The following OR10H5 variants were observed in gnomAD, a reference collection of about 807,000 sequenced individuals.
The protein encoded by OR10H5 is olfactory receptor 10H5.
Under a neutral mutation model 12.2 loss-of-function variants are expected in OR10H5, and 7 were observed. The observed-to-expected ratio is 0.57, with a 90% CI of 0.33 to 1.07. The LOEUF (loss-of-function observed/expected upper bound fraction) is 1.07. OR10H5 is among the 50% of genes least tolerant of loss of function. The probability of loss-of-function intolerance (pLI) is 0.04; values close to 1 mark genes in which losing one functional copy is unlikely to be tolerated. For missense variants in OR10H5, 346 were observed against 411.6 expected, an observed-to-expected ratio of 0.84 and a Z score of 1.38; for synonymous variants, 159 against 175.1, an observed-to-expected ratio of 0.91 and a Z score of 0.73.
rs1399739189 is a variant in OR10H5 at position 15,797,675 on chromosome 19, T to C, written c.*2679T>C. Reference sequence around the variant, plus strand: ...GTCAGGGTGAGGTGAGGGAGACACCTCACCTCCTTTAAACATTATTTAAAA... The same window carrying C: ...GTCAGGGTGAGGTGAGGGAGACACCCCACCTCCTTTAAACATTATTTAAAA... On this transcript the variant is annotated 3_prime_UTR_variant, in exon 2 of 2. Transcript: ENST00000642092. 6.6e-6 allele frequency: 1 copy of C among 152,154 alleles called. No homozygotes were observed. The highest frequency in any genetic ancestry group is 1.5e-5 in the Non-Finnish European group (1 of 68,022). The allele number at this position is 152,154 out of a possible 1,614,324, so 9.4% of individuals were successfully genotyped here. A position where few individuals can be genotyped will look rare whatever the true frequency, so the allele number is the denominator to read the frequency against.
Position 15,794,231 on chromosome 19 carries a change from C to T in OR10H5, c.183C>T (p.Leu61=). 1 of 1,614,228 alleles carries T rather than the reference C, an allele frequency of 6.2e-7. No homozygotes were observed. The highest frequency in any genetic ancestry group is 1.7e-5 in the Admixed American group (1 of 60,028). ...GCAGCCTCCACATGCCCATGTACCT[C>T]TTCCTGTGTGCCCTCTCCATCACCG... ...SERSLHMPMY[L]FLCALSITEI... The change falls in exon 2 of 2, where the codon CTC becomes CTT. Residue 61 remains leucine, a synonymous_variant. Coordinates refer to ENST00000642092, the MANE Select transcript of OR10H5 (RefSeq NM_001004466.2).
rs2088833050 is a variant in OR10H5 at position 15,795,078 on chromosome 19, C to T, written c.*82C>T. 8.8e-7 allele frequency: 1 copy of T among 1,138,852 alleles called. No individual in the cohort carries two copies. Among genetic ancestry groups the T allele is most frequent in the Non-Finnish European group, 1.2e-6 (1 of 803,380 alleles). The allele number at this position is 1,138,852 out of a possible 1,614,324, so 70.5% of individuals were successfully genotyped here. ...TTTATTTCTTTTCCTTTCCTCCCTC[C>T]CTCCTTTCCTCCCTCCCTCCCTTCC... On this transcript the variant is annotated 3_prime_UTR_variant, in exon 2 of 2. Transcript: ENST00000642092.
chr19:15,794,024 T>G lies in OR10H5; in HGVS notation c.-11-14T>G, dbSNP rs1267619721. On this transcript the variant is annotated splice_polypyrimidine_tract_variant and intron_variant, in intron 1 of 1. Coordinates refer to ENST00000642092, the MANE Select transcript of OR10H5 (RefSeq NM_001004466.2). Reference sequence around the variant, plus strand: ...CCTAACCACTGGGTCTTCTTTCCTCTCTCCACCAACTAGGGGTGGCCGCCA... The same window carrying G: ...CCTAACCACTGGGTCTTCTTTCCTCGCTCCACCAACTAGGGGTGGCCGCCA... 6.3e-7 allele frequency: 1 copy of G among 1,591,492 alleles called. No individual in the cohort carries two copies. The highest frequency in any genetic ancestry group is 1.3e-5 in the African/African-American group (1 of 74,678).
rs62106068 is a variant in OR10H5 at position 15,795,497 on chromosome 19, T to G, written c.*501T>G. On this transcript the variant is annotated 3_prime_UTR_variant, in exon 2 of 2. Transcript: ENST00000642092. Reference sequence around the variant, plus strand: ...CACACCACCATGCCTGGCTAATTTTTGTATTTGTAGTAGAGACGGGGTTTC... The same window carrying G: ...CACACCACCATGCCTGGCTAATTTTGGTATTTGTAGTAGAGACGGGGTTTC... The G allele has an allele frequency of 0.084, 13,367 of 159,888 alleles. 634 individuals carry two copies. Among genetic ancestry groups the G allele is most frequent in the Middle Eastern group, 0.11 (35 of 308 alleles). The allele number at this position is 159,888 out of a possible 1,614,324, so 9.9% of individuals were successfully genotyped here.
At position 15,795,138 on chromosome 19, in the gene OR10H5, C is replaced by T. The variant is rs2144930174; in HGVS notation, c.*142C>T. The T allele has an allele frequency of 1.4e-6, 1 of 716,010 alleles. No homozygotes were observed. Among genetic ancestry groups the T allele is most frequent in the Non-Finnish European group, 2.2e-6 (1 of 450,980 alleles). The allele number at this position is 716,010 out of a possible 1,614,324, so 44.4% of individuals were successfully genotyped here. On this transcript the variant is annotated 3_prime_UTR_variant, in exon 2 of 2. Coordinates refer to ENST00000642092, the MANE Select transcript of OR10H5 (RefSeq NM_001004466.2). Reference sequence around the variant, plus strand: ...TCCTTCCTCCCTCCCTCCTTTCCTCCCTCCTTCTCTGACCTACAGTCCACC... The same window carrying T: ...TCCTTCCTCCCTCCCTCCTTTCCTCTCTCCTTCTCTGACCTACAGTCCACC...
intron 1 of OR10H5, among the ~76,000 whole-genome samples, chr19:15,788,133 C>T (rs1451977989): frequency 6.6e-6 from 1 of 152,158 alleles, no homozygotes; most frequent in African/African-American, 2.4e-5. Flanking sequence ...CTCCTGCCTT[C>T]ACTGTGTGTG....
Position 15,799,355 on chromosome 19 carries a change from T to G in OR10H5, c.*4359T>G, listed in dbSNP as rs148166049. The G allele has an allele frequency of 3.6e-4, 55 of 152,246 alleles. No individual in the cohort carries two copies. The highest frequency in any genetic ancestry group is 1.3e-3 in the African/African-American group (53 of 41,542). The allele number at this position is 152,246 out of a possible 1,614,324, so 9.4% of individuals were successfully genotyped here. ...TTGCTGGTTTGCATTATTGGGGGTA[T>G]TAGAAGACACTGGCTTTTGGCAAGA... On this transcript the variant is annotated 3_prime_UTR_variant, in exon 2 of 2. Transcript: ENST00000642092.
At chr19:15,789,047 G>A (rs1019600956) in intron 1 of OR10H5, among the ~76,000 whole-genome samples, 2 of 151,926 alleles carry the variant, frequency 1.3e-5, no homozygotes, top group Admixed American at 6.6e-5. Context: ...TACCCCAACA[G>A]GCCCCAGTGT....
At position 15,798,036 on chromosome 19, in the gene OR10H5, A is replaced by G. The variant is rs958221730; in HGVS notation, c.*3040A>G. ...CTCCAGCCTGGGCGACAAGAGTGAC[A>G]CTCCATCTAAAAAAAAAAAAAAAAA... On this transcript the variant is annotated 3_prime_UTR_variant, in exon 2 of 2. Transcript: ENST00000642092. 4 of 116,290 alleles carry G rather than the reference A, an allele frequency of 3.4e-5. No individual in the cohort carries two copies. Among genetic ancestry groups the G allele is most frequent in the African/African-American group, 1.4e-4 (4 of 29,510 alleles). The allele number at this position is 116,290 out of a possible 1,614,324, so 7.2% of individuals were successfully genotyped here. A position where few individuals can be genotyped will look rare whatever the true frequency, so the allele number is the denominator to read the frequency against.
chr19:15,788,609 C>T (rs2088795173), intron 1 of OR10H5, among the ~76,000 whole-genome samples: 1 of 152,134 alleles, frequency 6.6e-6, no homozygotes, highest in African/African-American at 2.4e-5. Context: ...ACTGATCCTC[C>T]CACTTGGCCT....
In OR10H5 at chr19:15,797,349, AC is replaced by A. The variant is rs1309925292; in HGVS notation, c.*2355del. ...TCTAGCTGATCATGATTCTGAAGAT[AC>A]CTTGGAATAGGCTGGGAAACAGGTA... On this transcript the variant is annotated 3_prime_UTR_variant, in exon 2 of 2. Coordinates refer to ENST00000642092, the MANE Select transcript of OR10H5 (RefSeq NM_001004466.2). 6.6e-6 allele frequency: 1 copy of A among 152,134 alleles called. No individual in the cohort carries two copies. Among genetic ancestry groups the A allele is most frequent in the African/African-American group, 2.4e-5 (1 of 41,402 alleles). The allele number at this position is 152,134 out of a possible 1,614,324, so 9.4% of individuals were successfully genotyped here. A position where few individuals can be genotyped will look rare whatever the true frequency, so the allele number is the denominator to read the frequency against.
Position 15,799,681 on chromosome 19 carries a change from T to C in OR10H5, c.*4685T>C, listed in dbSNP as rs1319959229. On this transcript the variant is annotated 3_prime_UTR_variant, in exon 2 of 2. Transcript: ENST00000642092. ...AGTATGACAAATAGAGGTTACTATA[T>C]GTTCATTGAATGTCTTTTTTTTTTT... 7.1e-6 allele frequency: 1 copy of C among 141,118 alleles called. No individual in the cohort carries two copies. The highest frequency in any genetic ancestry group is 1.5e-5 in the Non-Finnish European group (1 of 65,584). The allele number at this position is 141,118 out of a possible 1,614,324, so 8.7% of individuals were successfully genotyped here.
intron 1 of OR10H5, chr19:15,793,810 C>T: frequency 2.1e-6 from 1 of 470,238 alleles, no homozygotes; most frequent in Non-Finnish European, 3.8e-6. Flanking sequence ...ACCCAGGAGG[C>T]AGAGGTTGCA....
chr19:15,787,996 C>A (rs1359349692), intron 1 of OR10H5, among the ~76,000 whole-genome samples: 3 of 152,118 alleles, frequency 2.0e-5, no homozygotes, highest in African/African-American at 7.2e-5. Context: ...TCGTGGCCAC[C>A]AGGGTCCATG....
At chr19:15,788,832 G>A (rs2088796219) in intron 1 of OR10H5, among the ~76,000 whole-genome samples, 1 of 152,080 alleles carries the variant, frequency 6.6e-6, no homozygotes, top group Non-Finnish European at 1.5e-5. Context: ...AATGACATCT[G>A]TAAAAGACTC....
At chr19:15,793,952 G>T in intron 1 of OR10H5, 86 bp from the exon 2 acceptor site, 2 of 1,112,226 alleles carry the variant, frequency 1.8e-6, no homozygotes, top group East Asian at 2.4e-5. Flanking sequence ...TGAAGAAGGC[G>T]CTCTCAGATG....
intron 1 of OR10H5, among the ~76,000 whole-genome samples, chr19:15,791,342 A>G (rs1041171687): frequency 1.3e-5 from 2 of 151,990 alleles, no homozygotes; most frequent in Non-Finnish European, 1.5e-5. Flanking sequence ...GCAAAACTCC[A>G]TCTCAAAACA....
chr19:15,788,728 AT>A (rs1171491019), intron 1 of OR10H5, among the ~76,000 whole-genome samples: 1 of 151,938 alleles, frequency 6.6e-6, no homozygotes, highest in Non-Finnish European at 1.5e-5. Context: ...GATTCAAGCA[AT>A]CCCCCGCCCC....
chr19:15,788,749 G>C (rs1268230931), intron 1 of OR10H5, among the ~76,000 whole-genome samples: 2 of 151,976 alleles, frequency 1.3e-5, no homozygotes, highest in Non-Finnish European at 2.9e-5. Context: ...CACCCACCTT[G>C]GTCTCCCACA....
Sources: allele counts gnomAD v4.1 joint callset (sites outside exome capture counted in the v4.1 genomes callset), GRCh38; gene constraint gnomAD v4.1.1; transcripts MANE v1.5; gene names NCBI Gene and HGNC (gene_info 2026-07-23, HGNC 2026-07-21).